The following VPS13B variants were observed in gnomAD, a reference collection of about 807,000 sequenced individuals.
VPS13B encodes intermembrane lipid transfer protein VPS13B.
In VPS13B, 285 loss-of-function variants were observed where a neutral mutation model predicts 426.4. The ratio of observed to expected loss-of-function variants is 0.67; its 90% confidence interval spans 0.61 to 0.74. The LOEUF (loss-of-function observed/expected upper bound fraction) is 0.74, where lower values mean the gene tolerates loss of function less well. Among genes scored for constraint, VPS13B ranks in the 30% least tolerant of loss-of-function variants. VPS13B has a pLI of 0.00. For missense variants in VPS13B, 4,537 were observed against 4,782.6 expected (o/e 0.95, Z 1.51); for synonymous variants, 1,676 against 1,676.4 (o/e 1.00, Z 0.01).
intron 39 of VPS13B, among the ~76,000 whole-genome samples, chr8:99,736,281 T>C (rs879289332): frequency 5.3e-5 from 8 of 152,044 alleles, no homozygotes; most frequent in Non-Finnish European, 1.0e-4. Flanking sequence ...GAGGTAAAAA[T>C]AACAGTTTAG....
chr8:99,422,604 C>T (rs914677964), intron 21 of VPS13B, among the ~76,000 whole-genome samples: 1 of 152,052 alleles, frequency 6.6e-6, no homozygotes, highest in Admixed American at 6.6e-5. Context: ...TAGAGCTATA[C>T]AGTAATATTA....
At chr8:99,336,825 A>T (rs1810907908) in intron 19 of VPS13B, among the ~76,000 whole-genome samples, 1 of 152,190 alleles carries the variant, frequency 6.6e-6, no homozygotes, top group South Asian at 2.1e-4. Flanking sequence ...ACCATCTCAC[A>T]CCAGATAGAA....
At chr8:99,024,260 G>T (rs1464703078) in intron 2 of VPS13B, among the ~76,000 whole-genome samples, 1 of 152,216 alleles carries the variant, frequency 6.6e-6, no homozygotes, top group African/African-American at 2.4e-5. Context: ...CTCTTTGTGC[G>T]TGTGTGTGAG....
Position 99,502,869 on chromosome 8 carries a change from G to T in VPS13B, c.4076G>T (p.Ser1359Ile). The change falls in exon 27 of 62, where the codon AGT (serine) becomes ATT (isoleucine). Residue 1359 changes from serine to isoleucine, a missense_variant. By Grantham distance (142) the Ser-to-Ile change is moderately radical (BLOSUM62 -2). Coordinates refer to ENST00000357162, the MANE Select transcript of VPS13B (RefSeq NM_152564.5). ...VCMVSELEDL[S>I]ASIDVQDVYT... ...ATGGTCAGTGAACTAGAAGATCTCAGTGCTTCCATAGATGTCCAGGATGTA... is the reference window on the plus strand; with the variant it reads ...ATGGTCAGTGAACTAGAAGATCTCATTGCTTCCATAGATGTCCAGGATGTA... The T allele has an allele frequency of 6.2e-7, 1 of 1,613,590 alleles. No individual in the cohort carries two copies. Among genetic ancestry groups the T allele is most frequent in the Non-Finnish European group, 8.5e-7 (1 of 1,179,688 alleles).
At chr8:99,523,584 TAATTCAGAC>T (rs1822492887) in intron 30 of VPS13B, among the ~76,000 whole-genome samples, 1 of 152,224 alleles carries the variant, frequency 6.6e-6, no homozygotes, top group African/African-American at 2.4e-5. Context: ...CTTTGCCTGG[TAATTCAGAC>T]AATTCTTCGG....
At chr8:99,300,686 T>TAAA (rs1563655150) in intron 19 of VPS13B, among the ~76,000 whole-genome samples, 1 of 152,190 alleles carries the variant, frequency 6.6e-6, no homozygotes, top group Non-Finnish European at 1.5e-5. Context: ...TCCTTTTCTT[T>TAAA]AGTTATCCAT....
In VPS13B at chr8:99,115,798, A is replaced by G; in HGVS notation, c.861A>G (p.Gly287=). ...AACTTGGAATTGCTCTTTACTATGG[A>G]GAAATAGGCAATTTTAAAGAAGGCG... ...IMQLGIALYY[G]EIGNFKEGEI... is the part of the protein sequence containing the mutation. The change falls in exon 7 of 62, where the codon GGA becomes GGG. Residue 287 remains glycine (G), a synonymous_variant. Coordinates refer to ENST00000357162, the MANE Select transcript of VPS13B (RefSeq NM_152564.5). The G allele has an allele frequency of 6.2e-7, 1 of 1,613,708 alleles. No homozygotes were observed. Among genetic ancestry groups the G allele is most frequent in the Admixed American group, 1.7e-5 (1 of 59,996 alleles).
chr8:99,762,473 T>C (rs888999062), intron 39 of VPS13B, among the ~76,000 whole-genome samples: 2 of 152,224 alleles, frequency 1.3e-5, no homozygotes, highest in Non-Finnish European at 2.9e-5. Flanking sequence ...TTCCTTTATC[T>C]CTGAAGTCAT....
intron 23 of VPS13B, among the ~76,000 whole-genome samples, chr8:99,455,368 T>G (rs372394634): frequency 1.6e-4 from 24 of 152,228 alleles, no homozygotes; most frequent in African/African-American, 5.3e-4. Context: ...TGGTGGCATC[T>G]GCTTGGCTTC....
intron 34 of VPS13B, among the ~76,000 whole-genome samples, chr8:99,647,474 T>A (rs1829628769): frequency 1.3e-5 from 2 of 148,416 alleles, no homozygotes; most frequent in African/African-American, 5.0e-5. Context: ...GGCGGAAGAA[T>A]CACTTAAAAA....
intron 39 of VPS13B, among the ~76,000 whole-genome samples, chr8:99,759,697 A>G (rs1021406407): frequency 5.9e-5 from 9 of 152,094 alleles, no homozygotes; most frequent in Non-Finnish European, 1.2e-4. Flanking sequence ...ACCCACATAT[A>G]CTACGTATCA....
intron 30 of VPS13B, among the ~76,000 whole-genome samples, chr8:99,543,472 T>G (rs536062405): frequency 3.1e-3 from 468 of 151,752 alleles, no homozygotes; most frequent in Middle Eastern, 0.031. Context: ...GGGATCTAAT[T>G]AAACTAAAGA....
At chr8:99,067,121 G>T (rs1021706223) in intron 3 of VPS13B, among the ~76,000 whole-genome samples, 3 of 152,182 alleles carry the variant, frequency 2.0e-5, no homozygotes, top group Non-Finnish European at 4.4e-5. Flanking sequence ...AATACCATTT[G>T]ACCCAGCCAT....
intron 19 of VPS13B, among the ~76,000 whole-genome samples, chr8:99,371,881 A>C (rs1488274247): frequency 6.6e-6 from 1 of 152,244 alleles, no homozygotes; most frequent in Admixed American, 6.5e-5. Context: ...GATGGATTAA[A>C]GACTTAGATG....
At chr8:99,459,523 GC>G (rs1818718054) in intron 23 of VPS13B, among the ~76,000 whole-genome samples, 1 of 152,262 alleles carries the variant, frequency 6.6e-6, no homozygotes, top group East Asian at 1.9e-4. Context: ...TTAGGCTATA[GC>G]CCATCTGTGG....
chr8:99,536,932 G>C (rs553880031), intron 30 of VPS13B: 21 of 421,702 alleles, frequency 5.0e-5, no homozygotes, highest in African/African-American at 3.7e-4. Context: ...CAGTGTTATT[G>C]TTCAGTTCGA....
chr8:99,450,102 A>G (rs1484247248), intron 23 of VPS13B, among the ~76,000 whole-genome samples: 6 of 152,136 alleles, frequency 3.9e-5, no homozygotes, highest in Admixed American at 3.9e-4. Context: ...CGTGCCCAGC[A>G]AGAATGATTT....
In VPS13B at chr8:99,165,836, G is replaced by A. The variant is rs531104435; in HGVS notation, c.2209-4203G>A. ...AGGCTCAGTATATATTTTAGGCTTT[G>A]TGGACCAAGTGGCAAAATTGAGGAT... On this transcript the variant is annotated intron_variant, in intron 15 of 61. Transcript: ENST00000357162. 3.3e-5 allele frequency among the ~76,000 whole-genome samples: 5 copies of A among 152,272 alleles called. No homozygotes were observed. The South Asian group carries it at 1.0e-3, about 32-fold the overall frequency.
chr8:99,668,239 C>T (rs1315937997), intron 35 of VPS13B, among the ~76,000 whole-genome samples: 3 of 151,434 alleles, frequency 2.0e-5, no homozygotes, highest in East Asian at 1.9e-4. Flanking sequence ...GCCTGTAGTC[C>T]TTGCTACTCA....
Sources: allele counts gnomAD v4.1 joint callset (sites outside exome capture counted in the v4.1 genomes callset), GRCh38; gene constraint gnomAD v4.1.1; transcripts MANE v1.5; gene names NCBI Gene and HGNC (gene_info 2026-07-23, HGNC 2026-07-21).